Variants in GPHN observed in about 807,000 individuals in gnomAD.
GPHN encodes the protein gephyrin.
Under a neutral mutation model 95.5 loss-of-function variants are expected in GPHN, and 17 were observed. The ratio of observed to expected loss-of-function variants is 0.18; its 90% CI spans 0.12 to 0.27. The LOEUF (loss-of-function observed/expected upper bound fraction) is 0.27. GPHN is among the 10% of genes least tolerant of loss of function. The probability of loss-of-function intolerance (pLI) is 1.00; values close to 1 mark genes in which losing one functional copy is unlikely to be tolerated. For synonymous variants in GPHN, 320 were observed against 322.5 expected, an observed-to-expected ratio of 0.99 and a Z score of 0.08; for missense variants, 660 against 978.1, an observed-to-expected ratio of 0.67 and a Z score of 4.34.
At chr14:66,746,276 C>A (rs1197049547) in intron 2 of GPHN, among the ~76,000 whole-genome samples, 1 of 152,156 alleles carries the variant, frequency 6.6e-6, no homozygotes, top group Non-Finnish European at 1.5e-5. Context: ...ACATCTGCAT[C>A]ATTTCAGTAT....
chr14:66,692,004 A>G (rs1021097125), intron 2 of GPHN, among the ~76,000 whole-genome samples: 1 of 152,242 alleles, frequency 6.6e-6, no homozygotes, highest in South Asian at 2.1e-4. Context: ...TTGTCCATAA[A>G]ACTCCTGAAA....
the GPHN span, among the ~76,000 whole-genome samples, chr14:67,675,655 C>G: frequency 4.5e-4 from 68 of 152,212 alleles, no homozygotes; most frequent in Non-Finnish European, 4.4e-5. Context: ...GGGATCTGGG[C>G]ATGTTGGTGA....
Position 66,924,292 on chromosome 14 carries a change from G to T in GPHN, c.828G>T (p.Arg276=), listed in dbSNP as rs1166163100. 1 of 1,552,254 alleles carries T rather than the reference G, an allele frequency of 6.4e-7. No homozygotes were observed. The highest frequency in any genetic ancestry group is 1.4e-5 in the African/African-American group (1 of 73,684). Reference sequence around the variant, plus strand: ...ATTCCCATCATTCAACAGATGAACGGGTAAGACAAGAGGCTTTTGCATTAA... The same window carrying T: ...ATTCCCATCATTCAACAGATGAACGTGTAAGACAAGAGGCTTTTGCATTAA... The part of the protein sequence containing the change: ...INYSHHSTDE[R]IPDSIISRGV... Residue 276 remains arginine (R), a splice_region_variant and synonymous_variant, in exon 8 of 23, where the codon CGG becomes CGT. Transcript: ENST00000478722.
chr14:67,645,688 C>T, the GPHN span: 3 of 1,614,044 alleles, frequency 1.9e-6, no homozygotes, highest in East Asian at 4.5e-5. Flanking sequence ...ACTGCCCAGA[C>T]CTTTGTGTTG....
the GPHN span, among the ~76,000 whole-genome samples, chr14:67,598,054 C>G: frequency 6.6e-6 from 1 of 152,106 alleles, no homozygotes. Context: ...TTTTTTTCAA[C>G]TTCATTTTTC....
At chr14:67,412,077 A>G in the GPHN span, 7 of 1,532,852 alleles carry the variant, frequency 4.6e-6, no homozygotes, top group African/African-American at 2.9e-5. Flanking sequence ...CCCGCACGCC[A>G]GGGCCACCCC....
At chr14:67,712,816 T>C in the GPHN span, among the ~76,000 whole-genome samples, 76 of 152,220 alleles carry the variant, frequency 5.0e-4, no homozygotes, top group Non-Finnish European at 9.3e-4. Context: ...AGCCATTGCT[T>C]TCAGTTGGCA....
chr14:67,071,940 T>C (rs757691439), intron 11 of GPHN, among the ~76,000 whole-genome samples: 3 of 152,132 alleles, frequency 2.0e-5, no homozygotes, highest in Non-Finnish European at 4.4e-5. Context: ...ATAGGATTTT[T>C]AAAGTTAATT....
chr14:67,546,383 G>GTTTTTTTTT, the GPHN span, among the ~76,000 whole-genome samples: 1 of 151,888 alleles, frequency 6.6e-6, no homozygotes, highest in East Asian at 1.9e-4. Flanking sequence ...AGATACATGT[G>GTTTTTTTTT]TTTTTTGTTT....
chr14:67,554,859 T>G, the GPHN span, among the ~76,000 whole-genome samples: 1 of 152,226 alleles, frequency 6.6e-6, no homozygotes, highest in Admixed American at 6.5e-5. Flanking sequence ...AGAATTTCCA[T>G]GCTCCTCAGC....
At chr14:67,006,521 A>T (rs547657435) in intron 9 of GPHN, among the ~76,000 whole-genome samples, 18 of 152,262 alleles carry the variant, frequency 1.2e-4, no homozygotes, top group Admixed American at 4.6e-4. Context: ...CATGGCTCTA[A>T]AAAGGCTACT....
intron 11 of GPHN, chr14:67,059,012 A>AT: frequency 5.6e-6 from 3 of 532,026 alleles, no homozygotes; most frequent in South Asian, 3.1e-5. Context: ...CATTAAAAAA[A>AT]GGAAAAAAAA....
chr14:67,434,776 A>T, the GPHN span, among the ~76,000 whole-genome samples: 2 of 152,110 alleles, frequency 1.3e-5, no homozygotes, highest in Non-Finnish European at 2.9e-5. Flanking sequence ...GAAACGGGGT[A>T]ATTTATAAAG....
At chr14:67,382,776 T>C in the GPHN span, 4 of 609,348 alleles carry the variant, frequency 6.6e-6, no homozygotes, top group East Asian at 5.7e-5. Context: ...ACAATATAAA[T>C]GAGAAGTTTT....
At chr14:67,369,989 T>TA in the GPHN span, among the ~76,000 whole-genome samples, 7 of 152,242 alleles carry the variant, frequency 4.6e-5, no homozygotes, top group Non-Finnish European at 8.8e-5. Flanking sequence ...TTTACCCACA[T>TA]ATTTATTAAC....
At chr14:67,264,525 A>C in the GPHN span, among the ~76,000 whole-genome samples, 1 of 152,122 alleles carries the variant, frequency 6.6e-6, no homozygotes, top group Admixed American at 6.6e-5. Context: ...TAAGTTTTTG[A>C]ATCCATTTTG....
chr14:67,727,395 T>G, the GPHN span: 1 of 579,790 alleles, frequency 1.7e-6, no homozygotes, highest in Non-Finnish European at 3.1e-6. Context: ...CCTCAAAAAG[T>G]TACCTTGTAT....
At chr14:66,531,203 C>A (rs1385733957) in intron 1 of GPHN, among the ~76,000 whole-genome samples, 2 of 152,104 alleles carry the variant, frequency 1.3e-5, no homozygotes, top group Non-Finnish European at 2.9e-5. Context: ...GCCTTAGCCC[C>A]CCAAAGTGCT....
the GPHN span, among the ~76,000 whole-genome samples, chr14:67,188,821 TTTTC>T: frequency 2.9e-4 from 44 of 150,994 alleles, no homozygotes; most frequent in African/African-American, 7.4e-4. Context: ...TTCTTTTTCT[TTTTC>T]TTTCTTTCTT....
Sources: gnomAD v4.1 joint callset for allele counts (sites outside exome capture counted in the v4.1 genomes callset) on GRCh38, gnomAD v4.1.1 for gene constraint, MANE v1.5 for transcripts, NCBI Gene and HGNC (gene_info 2026-07-23, HGNC 2026-07-21) for gene names.